STK10: variants seen among roughly 807,000 people sequenced by gnomAD.
STK10 encodes serine/threonine-protein kinase 10.
Under a neutral mutation model 113.8 loss-of-function variants are expected in STK10, and 78 were observed. The observed-to-expected ratio is 0.69, with a 90% confidence interval of 0.57 to 0.83. STK10 has a LOEUF of 0.83. STK10 is among the 40% of genes least tolerant of loss of function. The pLI, the probability that STK10 is intolerant of heterozygous loss-of-function variation, is 0.00. For missense variants in STK10, 1,109 were observed against 1,280.1 expected (o/e 0.87, Z 2.04); for synonymous variants, 465 against 494.7 (o/e 0.94, Z 0.80).
At chr5:172,064,649 A>C in intron 13 of STK10, 71 bp downstream of exon 13, 1 of 1,525,662 alleles carries the variant, frequency 6.6e-7, no homozygotes, top group East Asian at 2.2e-5. Context: ...GCAAAGGCAG[A>C]GAGGGGGCCT....
At chr5:172,089,553 G>A (rs1561802786) in intron 10 of STK10, among the ~76,000 whole-genome samples, 2 of 152,236 alleles carry the variant, frequency 1.3e-5, no homozygotes, top group East Asian at 1.9e-4. Flanking sequence ...TAGGGAGTAG[G>A]TAAATAGATA....
chr5:172,125,813 A>G (rs1359637946), intron 3 of STK10, among the ~76,000 whole-genome samples: 6 of 152,178 alleles, frequency 3.9e-5, no homozygotes, highest in Non-Finnish European at 7.3e-5. Flanking sequence ...AAGTTTTTAT[A>G]TTTCTCAAAT....
chr5:172,131,820 G>A (rs569893713), intron 2 of STK10, among the ~76,000 whole-genome samples: 11 of 152,286 alleles, frequency 7.2e-5, no homozygotes, highest in African/African-American at 2.6e-4. Context: ...GGCATGTGTT[G>A]GAAACTTAAT....
chr5:172,137,547 A>G (rs1156702177), intron 2 of STK10, among the ~76,000 whole-genome samples: 1 of 152,096 alleles, frequency 6.6e-6, no homozygotes, highest in African/African-American at 2.4e-5. Context: ...ACAAAATAGA[A>G]GAAAACAACC....
At chr5:172,178,427 C>T (rs1180994165) in intron 1 of STK10, among the ~76,000 whole-genome samples, 1 of 152,164 alleles carries the variant, frequency 6.6e-6, no homozygotes, top group Non-Finnish European at 1.5e-5. Context: ...GGCTGGCTGC[C>T]TGCTTGTCCC....
chr5:172,186,571 G>A (rs991625838), intron 1 of STK10, among the ~76,000 whole-genome samples: 2 of 151,966 alleles, frequency 1.3e-5, no homozygotes, highest in African/African-American at 2.4e-5. Flanking sequence ...GCAGTGAGCC[G>A]AGATCGGGCC....
At chr5:172,047,873 C>A (rs1175262357) in intron 18 of STK10, among the ~76,000 whole-genome samples, 1 of 151,750 alleles carries the variant, frequency 6.6e-6, no homozygotes, top group East Asian at 1.9e-4. Flanking sequence ...GTACAAATAA[C>A]CACACTGAGG....
Position 172,141,936 on chromosome 5 carries a change from G to A in STK10, c.322-14515C>T, listed in dbSNP as rs146463504. Reference sequence around the variant, plus strand: ...CCTTGCTACGGGATCCTGGCAGGCCGCAACACCTCTAAGGTAACTCGTCCA... The same window carrying A: ...CCTTGCTACGGGATCCTGGCAGGCCACAACACCTCTAAGGTAACTCGTCCA... On this transcript the variant is annotated intron_variant, in intron 2 of 18. Transcript: ENST00000176763. Among the ~76,000 whole-genome samples the A allele has an allele frequency of 7.3e-3, 1,114 of 152,232 alleles. 12 individuals are homozygous for A. Among genetic ancestry groups the A allele is most frequent in the Middle Eastern group, 0.02 (6 of 294 alleles).
Position 172,044,747 on chromosome 5 carries a change from G to T in STK10, c.*135C>A. 6.9e-7 allele frequency: 1 copy of T among 1,443,828 alleles called. No individual in the cohort carries two copies. The highest frequency in any genetic ancestry group is 9.6e-7 in the Non-Finnish European group (1 of 1,047,056). 89.4% of individuals were successfully genotyped at this position (1,443,828 alleles called of 1,614,324 possible). A position where few individuals can be genotyped will look rare whatever the true frequency, so the allele number is the denominator to read the frequency against. ...CAGGTCTATCAGGCACAGTTGGGGTGGCACAGGGCGAGGGGCTGGATTTGA... is the reference window on the plus strand; with the variant it reads ...CAGGTCTATCAGGCACAGTTGGGGTTGCACAGGGCGAGGGGCTGGATTTGA... On this transcript the variant is annotated 3_prime_UTR_variant, in exon 19 of 19. Coordinates refer to ENST00000176763, the MANE Select transcript of STK10 (RefSeq NM_005990.4). The surrounding 1 kb of genome is among the most constrained non-coding windows in gnomAD (Gnocchi z 4.5).
At chr5:172,087,606 A>AATTT (rs1319542446) in intron 10 of STK10, among the ~76,000 whole-genome samples, 6 of 131,820 alleles carry the variant, frequency 4.6e-5, no homozygotes, top group African/African-American at 2.1e-4. Context: ...TTATTTTTTA[A>AATTT]ATTTATTTAC....
chr5:172,068,204 G>A (rs1768109955), intron 12 of STK10, among the ~76,000 whole-genome samples: 1 of 152,118 alleles, frequency 6.6e-6, no homozygotes, highest in African/African-American at 2.4e-5. Context: ...AGCTGGGTAT[G>A]GTGACAGGCG....
chr5:172,101,654 A>G (rs1768991763), intron 7 of STK10, among the ~76,000 whole-genome samples: 1 of 152,164 alleles, frequency 6.6e-6, no homozygotes, highest in Non-Finnish European at 1.5e-5. Flanking sequence ...CCTGAGTGCC[A>G]TGTGCCATGG....
At chr5:172,056,019 GATGGCATGCCATCATTAGCTAATATCTC>G (rs1470397426) in intron 15 of STK10, among the ~76,000 whole-genome samples, 9 of 152,160 alleles carry the variant, frequency 5.9e-5, no homozygotes, top group Admixed American at 5.9e-4. Flanking sequence ...TCTAATCAAT[GATGGCATGCCATCATTAGCTAATATCTC>G]AAAGCAAAAT....
At chr5:172,075,211 C>G (rs529843078) in intron 12 of STK10, among the ~76,000 whole-genome samples, 164 of 150,682 alleles carry the variant, frequency 1.1e-3, no homozygotes, top group African/African-American at 3.8e-3. Context: ...CTATACAAGA[C>G]ACTGTTAGGA....
At chr5:172,123,073 A>G (rs1769549356) in intron 3 of STK10, among the ~76,000 whole-genome samples, 1 of 152,182 alleles carries the variant, frequency 6.6e-6, no homozygotes, top group African/African-American at 2.4e-5. Context: ...CTGTGCCCCA[A>G]AGCCTCCAAA....
rs376178799 is a variant in STK10 at position 172,134,890 on chromosome 5, C to A, written c.322-7469G>T. Among the ~76,000 whole-genome samples, 5 of 149,910 alleles carry A rather than the reference C, an allele frequency of 3.3e-5. No individual in the cohort carries two copies. In the South Asian group the frequency reaches 8.4e-4, roughly 25 times the overall value. ...AGCGTGCAATAATTGTGACACTGCA[C>A]GCCAGCCTGGGAGAAAGAACAAGAC... is the stretch of plus-strand genomic sequence containing the variant. On this transcript the variant is annotated intron_variant, in intron 2 of 18. Coordinates refer to ENST00000176763, the MANE Select transcript of STK10 (RefSeq NM_005990.4).
intron 12 of STK10, among the ~76,000 whole-genome samples, chr5:172,066,409 C>T (rs1236646867): frequency 1.3e-5 from 2 of 152,080 alleles, no homozygotes; most frequent in Admixed American, 1.3e-4. Context: ...GGCTAAAACT[C>T]TGTAAGAAAC....
intron 5 of STK10, 73 bp downstream of exon 5, chr5:172,107,707 T>G (rs1769147180): frequency 7.4e-7 from 1 of 1,343,288 alleles, no homozygotes; most frequent in Non-Finnish European, 1.0e-6. Context: ...CCTCTCTGTC[T>G]AAAGCGCCTG....
At chr5:172,055,257 T>C (rs1245331224) in intron 16 of STK10, among the ~76,000 whole-genome samples, 2 of 152,002 alleles carry the variant, frequency 1.3e-5, no homozygotes, top group African/African-American at 4.8e-5. Context: ...TGGAGTGCAG[T>C]GGTTCAATCT....
Sources: gnomAD v4.1 joint callset for allele counts (sites outside exome capture counted in the v4.1 genomes callset) on GRCh38, gnomAD v4.1.1 for gene constraint, Gnocchi (gnomAD v3.1) non-coding constraint, MANE v1.5 for transcripts, NCBI Gene and HGNC (gene_info 2026-07-23, HGNC 2026-07-21) for gene names.